The following PTPRD variants were observed in gnomAD, a reference collection of about 807,000 sequenced individuals.
PTPRD encodes protein tyrosine phosphatase receptor type D, also known as receptor-type tyrosine-protein phosphatase delta.
In PTPRD, 34 loss-of-function variants were observed where a neutral mutation model predicts 214.5. The ratio of observed to expected loss-of-function variants is 0.16; its 90% CI spans 0.12 to 0.21. The LOEUF (loss-of-function observed/expected upper bound fraction) is 0.21. PTPRD is among the 10% of genes least tolerant of loss of function. The pLI is 1.00. For missense variants in PTPRD, 2,545 were observed against 2,398.7 expected, an observed-to-expected ratio of 1.06 and a Z score of -1.27; for synonymous variants, 1,128 against 845.7, an observed-to-expected ratio of 1.33 and a Z score of -5.79.
chr9:8,713,616 C>T (rs917125885), intron 12 of PTPRD: 8 of 1,532,586 alleles, frequency 5.2e-6, no homozygotes, highest in African/African-American at 4.1e-5. Flanking sequence ...ACCTGACCAC[C>T]GCGGGCGCTG....
intron 12 of PTPRD, among the ~76,000 whole-genome samples, chr9:8,717,130 G>C (rs72700396): frequency 6.6e-6 from 1 of 152,116 alleles, no homozygotes; most frequent in East Asian, 1.9e-4. Flanking sequence ...GACAGAGTGT[G>C]TCACTGTCTC....
intron 3 of PTPRD, among the ~76,000 whole-genome samples, chr9:10,121,170 G>T (rs969879001): frequency 6.6e-6 from 1 of 152,044 alleles, no homozygotes; most frequent in Non-Finnish European, 1.5e-5. Flanking sequence ...GATTATCAGA[G>T]ATAATTTAAT....
intron 11 of PTPRD, among the ~76,000 whole-genome samples, chr9:8,920,200 G>A (rs549213893): frequency 6.6e-6 from 1 of 152,120 alleles, no homozygotes; most frequent in South Asian, 2.1e-4. Context: ...AATTAGCTGG[G>A]TGTGGTGGCA....
At chr9:10,576,372 C>T (rs550596519) in intron 2 of PTPRD, among the ~76,000 whole-genome samples, 1 of 152,148 alleles carries the variant, frequency 6.6e-6, no homozygotes, top group African/African-American at 2.4e-5. Flanking sequence ...AAATATGGTA[C>T]ATTTAAGAAC....
intron 10 of PTPRD, among the ~76,000 whole-genome samples, chr9:9,020,383 G>C (rs1272452035): frequency 2.6e-5 from 4 of 152,138 alleles, no homozygotes; most frequent in Non-Finnish European, 5.9e-5. Context: ...ACAGTGATTG[G>C]AAGCGGAGGT....
chr9:8,472,319 C>T (rs1052971251), intron 30 of PTPRD, among the ~76,000 whole-genome samples: 10 of 152,140 alleles, frequency 6.6e-5, no homozygotes, highest in Admixed American at 5.2e-4. Context: ...AAAGAGGAGG[C>T]CACCACACAG....
chr9:8,601,968 C>A (rs1050654534), intron 14 of PTPRD, among the ~76,000 whole-genome samples: 2 of 152,032 alleles, frequency 1.3e-5, no homozygotes, highest in African/African-American at 2.4e-5. Context: ...TAGGTAGTGA[C>A]AATGGTGACC....
intron 2 of PTPRD, among the ~76,000 whole-genome samples, chr9:10,567,747 C>CTA (rs1466493238): frequency 2.0e-5 from 3 of 151,432 alleles, no homozygotes; most frequent in Admixed American, 6.6e-5. Context: ...GAATTTTTGT[C>CTA]TATATATATA....
At chr9:9,114,089 T>A (rs562657964) in intron 10 of PTPRD, among the ~76,000 whole-genome samples, 2 of 152,188 alleles carry the variant, frequency 1.3e-5, no homozygotes, top group South Asian at 2.1e-4. Flanking sequence ...ATAAACCATA[T>A]CCTTTTGACC....
At chr9:9,485,707 G>A (rs2095600598) in intron 8 of PTPRD, among the ~76,000 whole-genome samples, 1 of 152,038 alleles carries the variant, frequency 6.6e-6, no homozygotes, top group Admixed American at 6.5e-5. Context: ...TTGCGATTCT[G>A]GTACAAGACT....
At chr9:9,059,569 G>A (rs1322685852) in intron 10 of PTPRD, among the ~76,000 whole-genome samples, 1 of 152,164 alleles carries the variant, frequency 6.6e-6, no homozygotes, top group Non-Finnish European at 1.5e-5. Flanking sequence ...CTCATCCAGT[G>A]CTGCTGAAAC....
At chr9:8,347,080 C>T (rs1342177361) in intron 39 of PTPRD, among the ~76,000 whole-genome samples, 3 of 150,834 alleles carry the variant, frequency 2.0e-5, no homozygotes, top group Non-Finnish European at 4.4e-5. Flanking sequence ...GGATCATATC[C>T]CCTGCGGATA....
At chr9:10,531,010 T>G (rs1270536998) in intron 2 of PTPRD, among the ~76,000 whole-genome samples, 1 of 152,048 alleles carries the variant, frequency 6.6e-6, no homozygotes, top group East Asian at 1.9e-4. Context: ...AGTGCCACTG[T>G]GCGATTGTGG....
chr9:8,324,325 C>T (rs1416989434), intron 44 of PTPRD, among the ~76,000 whole-genome samples: 2 of 152,042 alleles, frequency 1.3e-5, no homozygotes, highest in Non-Finnish European at 2.9e-5. Flanking sequence ...TATTCCACTC[C>T]CACTTATAAG....
At chr9:9,664,088 TA>T (rs71319290) in intron 7 of PTPRD, among the ~76,000 whole-genome samples, 66,765 of 114,400 alleles carry the variant, frequency 0.58, 18,045 homozygotes, top group Middle Eastern at 0.66. Context: ...CACTCCTGTG[TA>T]AAAAAAAAAA....
At chr9:9,813,396 T>C (rs979954804) in intron 5 of PTPRD, among the ~76,000 whole-genome samples, 3 of 151,228 alleles carry the variant, frequency 2.0e-5, no homozygotes, top group African/African-American at 4.9e-5. Context: ...TTAGCAAAAA[T>C]AGAACAAAAG....
At chr9:8,623,353 TGTTCAAATTTCAAATATTTTGTG>T (rs1230137028) in intron 14 of PTPRD, among the ~76,000 whole-genome samples, 1 of 151,908 alleles carries the variant, frequency 6.6e-6, no homozygotes, top group Non-Finnish European at 1.5e-5. Flanking sequence ...GACAGAATGA[TGTTCAAATTTCAAATATTTTGTG>T]GATCCTACAA....
intron 7 of PTPRD, among the ~76,000 whole-genome samples, chr9:9,619,348 A>G (rs1478087658): frequency 1.3e-5 from 2 of 151,986 alleles, no homozygotes; most frequent in African/African-American, 2.4e-5. Flanking sequence ...AAGAAGGGAG[A>G]AAGTATGAAG....
intron 12 of PTPRD, among the ~76,000 whole-genome samples, chr9:8,731,336 G>A (rs1314557801): frequency 6.6e-6 from 1 of 152,040 alleles, no homozygotes. Context: ...GTTCTAAAAT[G>A]ACTCTGACAA....
Sources: gnomAD v4.1 joint callset for allele counts (sites outside exome capture counted in the v4.1 genomes callset) on GRCh38, gnomAD v4.1.1 for gene constraint, MANE v1.5 for transcripts, NCBI Gene and HGNC (gene_info 2026-07-23, HGNC 2026-07-21) for gene names.